Variants in SESTD1 observed in about 807,000 individuals in gnomAD.
SESTD1 encodes the protein SEC14 and spectrin domain containing 1, also known as SEC14 domain and spectrin repeat-containing protein 1.
A neutral mutation model predicts 101.7 loss-of-function variants in SESTD1; 43 were observed. That is an observed-to-expected ratio of 0.42 (90% CI 0.33 to 0.55). The LOEUF (loss-of-function observed/expected upper bound fraction) is 0.55, where lower values mean the gene tolerates loss of function less well. Among genes scored for constraint, SESTD1 ranks in the 20% least tolerant of loss-of-function variants. The pLI is 0.07. For missense variants in SESTD1, 647 were observed against 815.1 expected, an observed-to-expected ratio of 0.79 and a Z score of 2.51; for synonymous variants, 283 against 286.8, an observed-to-expected ratio of 0.99 and a Z score of 0.13.
At chr2:179,173,743 C>A (rs979273455) in intron 4 of SESTD1, among the ~76,000 whole-genome samples, 2 of 152,102 alleles carry the variant, frequency 1.3e-5, no homozygotes. Context: ...GCTTTGCAGG[C>A]CATAATGTCT....
chr2:179,160,881 T>G (rs138387681), intron 5 of SESTD1, among the ~76,000 whole-genome samples: 1 of 152,076 alleles, frequency 6.6e-6, no homozygotes, highest in African/African-American at 2.4e-5. Context: ...GATTTACTTA[T>G]TAGTACTACA....
rs2044335369 is a variant in SESTD1 at position 179,104,355 on chromosome 2, ATAAGAGT to A, written c.*5537_*5543del. Reference sequence around the variant, plus strand: ...CAAATCTGTTGGCCATAAAGATAACATAAGAGTTAAGATGAGAAAACATTCCTAAGAG... The same window carrying A: ...CAAATCTGTTGGCCATAAAGATAACATAAGATGAGAAAACATTCCTAAGAG... On this transcript the variant is annotated 3_prime_UTR_variant, in exon 18 of 18. Coordinates refer to ENST00000428443, the MANE Select transcript of SESTD1 (RefSeq NM_178123.5). 1 of 152,202 alleles carries A rather than the reference ATAAGAGT, an allele frequency of 6.6e-6. No homozygotes were observed. 9.4% of individuals were successfully genotyped at this position (152,202 alleles called of 1,614,324 possible). A position where few individuals can be genotyped will look rare whatever the true frequency, so the allele number is the denominator to read the frequency against.
chr2:179,116,902 A>G, intron 14 of SESTD1, 112 bp from the exon 15 acceptor site: 1 of 1,375,804 alleles, frequency 7.3e-7, no homozygotes, highest in Non-Finnish European at 9.8e-7. Context: ...CGTTAATTAT[A>G]ACCTAAAGTC....
intron 1 of SESTD1, among the ~76,000 whole-genome samples, chr2:179,226,694 G>A (rs2105532817): frequency 1.3e-5 from 2 of 152,220 alleles, no homozygotes; most frequent in African/African-American, 4.8e-5. Flanking sequence ...TAACACTAAA[G>A]AGCATACCCA....
chr2:179,130,589 C>G (rs2044988418), intron 10 of SESTD1, among the ~76,000 whole-genome samples: 1 of 151,798 alleles, frequency 6.6e-6, no homozygotes, highest in Non-Finnish European at 1.5e-5. Context: ...TGTATACAAT[C>G]CAATTTCTAA....
At chr2:179,229,749 T>TTATATATATATATATATATATA (rs71023472) in intron 1 of SESTD1, among the ~76,000 whole-genome samples, 1,453 of 105,796 alleles carry the variant, frequency 0.014, 36 homozygotes, top group Non-Finnish European at 0.018. Flanking sequence ...TTGTAAGAAC[T>TTATATATATATATATATATATA]TATATATATA....
intron 4 of SESTD1, among the ~76,000 whole-genome samples, chr2:179,173,255 C>A (rs1018441237): frequency 2.0e-5 from 3 of 152,152 alleles, no homozygotes; most frequent in Admixed American, 2.0e-4. Context: ...GTCTACCCTA[C>A]CTAAAGTGGC....
intron 10 of SESTD1, among the ~76,000 whole-genome samples, chr2:179,130,051 T>G (rs184151568): frequency 6.6e-6 from 1 of 152,168 alleles, no homozygotes; most frequent in African/African-American, 2.4e-5. Context: ...AATCTCTTGA[T>G]AGCCATCAAT....
chr2:179,205,607 A>C lies in SESTD1; in HGVS notation c.-25-13741T>G, dbSNP rs1344331312. ...GTGCTTTATCCAACCTTTCCTTTACACAACCACTTTAGCATGGTAAAATGC... is the reference window on the plus strand; with the variant it reads ...GTGCTTTATCCAACCTTTCCTTTACCCAACCACTTTAGCATGGTAAAATGC... On this transcript the variant is annotated intron_variant, in intron 1 of 17. Coordinates refer to ENST00000428443, the MANE Select transcript of SESTD1 (RefSeq NM_178123.5). Among the ~76,000 whole-genome samples, 2 of 135,246 alleles carry C rather than the reference A, an allele frequency of 1.5e-5. 1 individual carries two copies. Among genetic ancestry groups the C allele is most frequent in the African/African-American group, 5.8e-5 (2 of 34,310 alleles). 88.7% of individuals were successfully genotyped at this position (135,246 alleles called of 152,430 possible). A position where few individuals can be genotyped will look rare whatever the true frequency, so the allele number is the denominator to read the frequency against.
chr2:179,131,040 C>A (rs138382480), intron 10 of SESTD1, among the ~76,000 whole-genome samples: 1 of 148,422 alleles, frequency 6.7e-6, no homozygotes. Flanking sequence ...AAGTTTTTTA[C>A]AAGTACTAAT....
intron 11 of SESTD1, 97 bp from the exon 12 acceptor site, chr2:179,123,926 T>C (rs907616557): frequency 2.9e-5 from 25 of 856,118 alleles, no homozygotes; most frequent in Non-Finnish European, 4.0e-5. Context: ...GTTATCACAA[T>C]TACACTTGAA....
intron 9 of SESTD1, among the ~76,000 whole-genome samples, chr2:179,140,682 T>C (rs1440934485): frequency 6.6e-5 from 10 of 152,208 alleles, no homozygotes; most frequent in Admixed American, 6.5e-4. Flanking sequence ...TCTATACTCA[T>C]TGCTTCCTTC....
In SESTD1 at chr2:179,209,806, T is replaced by C. The variant is rs1413395096; in HGVS notation, c.-25-17940A>G. 4.6e-5 allele frequency among the ~76,000 whole-genome samples: 6 copies of C among 131,022 alleles called. 1 individual carries two copies. The highest frequency in any genetic ancestry group is 3.7e-4 in the Admixed American group (5 of 13,496). 86.0% of individuals were successfully genotyped at this position (131,022 alleles called of 152,430 possible). ...AATCTAAGTTCACACCTCAAAGAAC[T>C]AGAGAAACAAGAACAAATGAAACCC... is the stretch of plus-strand genomic sequence containing the variant. On this transcript the variant is annotated intron_variant, in intron 1 of 17. Coordinates refer to ENST00000428443, the MANE Select transcript of SESTD1 (RefSeq NM_178123.5).
intron 5 of SESTD1, among the ~76,000 whole-genome samples, chr2:179,166,254 A>T (rs1041198142): frequency 6.6e-6 from 1 of 152,202 alleles, no homozygotes; most frequent in Non-Finnish European, 1.5e-5. Context: ...AATAAGAGGA[A>T]TAAGAGATTT....
chr2:179,234,548 C>T (rs1203016027), intron 1 of SESTD1, among the ~76,000 whole-genome samples: 3 of 152,088 alleles, frequency 2.0e-5, no homozygotes, highest in African/African-American at 4.8e-5. Flanking sequence ...GGGGCTGAGG[C>T]GGGTAGATCA....
chr2:179,124,503 G>T lies in SESTD1; in HGVS notation c.1028C>A (p.Ala343Asp). 1.2e-6 allele frequency: 2 copies of T among 1,614,038 alleles called. No individual in the cohort carries two copies. The highest frequency in any genetic ancestry group is 1.7e-6 in the Non-Finnish European group (2 of 1,179,966). The change falls in exon 11 of 18, where the codon GCT becomes GAT. Residue 343 changes from alanine (A) to aspartate (D), a missense_variant. This residue lies in a region of SESTD1 where 476 missense variants were observed against 562.6 expected (regional missense o/e 0.85). Transcript: ENST00000428443. The stretch of plus-strand genomic sequence containing the variant: ...TTCCACAAGATCTTCCTCATCGCCA[G>T]CATTCAAGAGTGCTGCAATTTGCTG... The part of the protein sequence containing the change: ...LNQQIAALLN[A>D]GDEEDLVELK...
intron 5 of SESTD1, among the ~76,000 whole-genome samples, chr2:179,154,060 G>A (rs12997079): frequency 0.068 from 8,816 of 128,748 alleles, 351 homozygotes; most frequent in South Asian, 0.2. Context: ...CCTGGGTAAT[G>A]TAAGAAAACC....
intron 1 of SESTD1, among the ~76,000 whole-genome samples, chr2:179,260,171 T>C (rs2047462335): frequency 6.6e-6 from 1 of 152,234 alleles, no homozygotes; most frequent in South Asian, 2.1e-4. Flanking sequence ...AGCCTTTTCA[T>C]ATATTAGCTC....
chr2:179,152,211 ACAAAAGC>A (rs2045544505), intron 5 of SESTD1, among the ~76,000 whole-genome samples: 1 of 152,250 alleles, frequency 6.6e-6, no homozygotes, highest in Non-Finnish European at 1.5e-5. Context: ...TCTCACAATA[ACAAAAGC>A]CAGACAATCT....
Sources: gnomAD v4.1 joint callset for allele counts (sites outside exome capture counted in the v4.1 genomes callset) on GRCh38, gnomAD v4.1.1 for gene constraint, gnomAD v4.1.1 regional missense constraint, MANE v1.5 for transcripts, NCBI Gene and HGNC (gene_info 2026-07-23, HGNC 2026-07-21) for gene names.